ME1: variants seen among roughly 807,000 people sequenced by gnomAD.
ME1 encodes the protein NADP-dependent malic enzyme.
ME1 carries 74 observed loss-of-function variants against 66.4 expected under a neutral mutation model. The ratio of observed to expected loss-of-function variants is 1.11; its 90% CI spans 0.92 to 1.35. ME1 has a LOEUF of 1.35. Ranked by LOEUF, ME1 falls within the 40% of genes most tolerant of loss-of-function variation. The probability of loss-of-function intolerance (pLI) is 0.00; values close to 1 mark genes in which losing one functional copy is unlikely to be tolerated. For synonymous variants in ME1, 251 were observed against 235.6 expected (o/e 1.07, Z -0.60); for missense variants, 750 against 694.1 (o/e 1.08, Z -0.90).
intron 7 of ME1, 36 bp from the exon 8 acceptor site, chr6:83,239,672 A>C: frequency 7.0e-7 from 1 of 1,425,164 alleles, no homozygotes; most frequent in Non-Finnish European, 9.9e-7. Context: ...AGTAATCCTC[A>C]AACAGATCCT....
At chr6:83,417,427 C>A (rs1457083141) in intron 1 of ME1, among the ~76,000 whole-genome samples, 1 of 151,896 alleles carries the variant, frequency 6.6e-6, no homozygotes, top group African/African-American at 2.4e-5. Context: ...GTCGCCCAGG[C>A]TAGAGTGAAG....
intron 6 of ME1, among the ~76,000 whole-genome samples, chr6:83,294,758 C>T (rs1401608906): frequency 6.6e-6 from 1 of 152,048 alleles, no homozygotes; most frequent in Non-Finnish European, 1.5e-5. Context: ...TTCCACAGTT[C>T]CCCCCGACTC....
In ME1 at chr6:83,430,885, G is replaced by A. The variant is rs747934930; in HGVS notation, c.70C>T (p.Leu24Phe). The A allele has an allele frequency of 1.9e-6, 3 of 1,602,342 alleles. No homozygotes were observed. The highest frequency in any genetic ancestry group is 1.7e-4 in the Middle Eastern group (1 of 6,042). Residue 24 changes from leucine (L) to phenylalanine (F), a missense_variant, in exon 1 of 14, where the codon CTC becomes TTC. Transcript: ENST00000369705. Reference sequence around the variant, plus strand: ...TGGGCCTGCGGGTTTACCTTGTTGAGGTGAGGGTTCCGTGTCAGCAGGTAG... The same window carrying A: ...TGGGCCTGCGGGTTTACCTTGTTGAAGTGAGGGTTCCGTGTCAGCAGGTAG... ...RGYLLTRNPH[L>F]NKDLAFTLEE...
At chr6:83,296,348 T>C (rs1767598523) in intron 6 of ME1, among the ~76,000 whole-genome samples, 1 of 152,232 alleles carries the variant, frequency 6.6e-6, no homozygotes, top group Admixed American at 6.5e-5. Context: ...ATCCCTGTGA[T>C]GCAAAGTTGG....
At chr6:83,340,694 T>TTA (rs397772826) in intron 5 of ME1, among the ~76,000 whole-genome samples, 1 of 151,694 alleles carries the variant, frequency 6.6e-6, no homozygotes, top group Non-Finnish European at 1.5e-5. Context: ...TTTTTTTTTT[T>TTA]ACCAAGTTTG....
Position 83,237,845 on chromosome 6 carries a change from GA to G in ME1, c.913-16del. 6.8e-7 allele frequency: 1 copy of G among 1,470,136 alleles called. No individual in the cohort carries two copies. Among genetic ancestry groups the G allele is most frequent in the Non-Finnish European group, 9.3e-7 (1 of 1,074,244 alleles). 91.1% of individuals were successfully genotyped at this position (1,470,136 alleles called of 1,614,324 possible). On this transcript the variant is annotated splice_polypyrimidine_tract_variant and intron_variant, in intron 8 of 13. Transcript: ENST00000369705. Reference sequence around the variant, plus strand: ...CCTAGGGCAGCCTCAGTGATGAAAAGAAAAAATTTTAAAGTTGTTCTACATG... The same window carrying G: ...CCTAGGGCAGCCTCAGTGATGAAAAGAAAAATTTTAAAGTTGTTCTACATG...
At chr6:83,316,270 A>G (rs1768027771) in intron 5 of ME1, among the ~76,000 whole-genome samples, 1 of 152,196 alleles carries the variant, frequency 6.6e-6, no homozygotes, top group African/African-American at 2.4e-5. Flanking sequence ...TTAAACTGAT[A>G]TATCTGAGAA....
At chr6:83,360,302 A>G (rs973281636) in intron 3 of ME1, among the ~76,000 whole-genome samples, 17 of 152,164 alleles carry the variant, frequency 1.1e-4, no homozygotes, top group African/African-American at 3.6e-4. Context: ...GCACTGGGGA[A>G]AGGGAAATGA....
intron 3 of ME1, among the ~76,000 whole-genome samples, chr6:83,387,263 A>G (rs1046189225): frequency 8.7e-4 from 132 of 152,320 alleles, no homozygotes; most frequent in African/African-American, 3.1e-3. Flanking sequence ...GAACAATATG[A>G]AAGTTTCATT....
At chr6:83,248,085 CT>C (rs1790656966) in intron 7 of ME1, among the ~76,000 whole-genome samples, 1 of 152,112 alleles carries the variant, frequency 6.6e-6, no homozygotes, top group Non-Finnish European at 1.5e-5. Flanking sequence ...GTGCCCCCGC[CT>C]TTAATTCTGA....
At position 83,398,448 on chromosome 6, in the gene ME1, A is replaced by T; in HGVS notation, c.281T>A (p.Ile94Asn). ...ATAAACAATAGGCATGAATTTCTCA[A>T]TGTCAGATGTCAGCACTCTATAAAA... ...KLFYRVLTSD[I>N]EKFMPIVYTP... The change falls in exon 3 of 14, where the codon ATT (isoleucine) becomes AAT (asparagine). Residue 94 changes from isoleucine (I) to asparagine (N), a missense_variant. Ile to Asn is a moderately radical substitution (Grantham distance 149). Coordinates refer to ENST00000369705, the MANE Select transcript of ME1 (RefSeq NM_002395.6). 5 of 1,591,830 alleles carry T rather than the reference A, an allele frequency of 3.1e-6. No homozygotes were observed. Among genetic ancestry groups the T allele is most frequent in the African/African-American group, 1.3e-5 (1 of 74,338 alleles).
At chr6:83,235,205 C>T (rs1203995962) in intron 9 of ME1, among the ~76,000 whole-genome samples, 1 of 152,156 alleles carries the variant, frequency 6.6e-6, no homozygotes, top group Non-Finnish European at 1.5e-5. Context: ...TTGGGAGCAT[C>T]ATCTCCTGTG....
At chr6:83,306,085 T>C (rs1767818146) in intron 6 of ME1, among the ~76,000 whole-genome samples, 1 of 152,158 alleles carries the variant, frequency 6.6e-6, no homozygotes, top group Non-Finnish European at 1.5e-5. Flanking sequence ...TTGCTATTGA[T>C]AGTGTTTTTT....
At chr6:83,319,270 ATGTG>A (rs1316941909) in intron 5 of ME1, among the ~76,000 whole-genome samples, 21 of 151,884 alleles carry the variant, frequency 1.4e-4, no homozygotes, top group Non-Finnish European at 2.7e-4. Flanking sequence ...AACCTGCACA[ATGTG>A]CACATGTACC....
chr6:83,281,831 A>AAAAAG (rs1562468339), intron 6 of ME1, among the ~76,000 whole-genome samples: 8 of 143,204 alleles, frequency 5.6e-5, no homozygotes, highest in South Asian at 2.2e-4. Flanking sequence ...AAAAAAAAAA[A>AAAAAG]AAAAGAAAAG....
At chr6:83,278,735 A>T (rs1370604004) in intron 6 of ME1, among the ~76,000 whole-genome samples, 1 of 152,184 alleles carries the variant, frequency 6.6e-6, no homozygotes, top group Non-Finnish European at 1.5e-5. Flanking sequence ...CCAGAATTAC[A>T]GGCATGAGCC....
intron 1 of ME1, among the ~76,000 whole-genome samples, chr6:83,417,340 T>C (rs113391835): frequency 3.9e-3 from 588 of 151,106 alleles, no homozygotes; most frequent in Non-Finnish European, 6.8e-3. Context: ...GGAGCCACTG[T>C]GCCTAACTAA....
intron 6 of ME1, among the ~76,000 whole-genome samples, chr6:83,290,574 G>T (rs1170458): frequency 0.35 from 52,763 of 151,938 alleles, 9,382 homozygotes; most frequent in Middle Eastern, 0.49. Context: ...ATAAGTGTAT[G>T]GTGGTGCTGA....
At chr6:83,228,804 A>G (rs1190378275) in intron 10 of ME1, 22 bp downstream of exon 10, 1 of 1,460,250 alleles carries the variant, frequency 6.8e-7, no homozygotes, top group Admixed American at 1.8e-5. Context: ...GTAGGGGAGA[A>G]GGGAGAGGAG....
Sources: gnomAD v4.1 joint callset for allele counts (sites outside exome capture counted in the v4.1 genomes callset) on GRCh38, gnomAD v4.1.1 for gene constraint, MANE v1.5 for transcripts, NCBI Gene and HGNC (gene_info 2026-07-23, HGNC 2026-07-21) for gene names.